Variants in IDUA observed in about 807,000 individuals in gnomAD.
IDUA encodes iduronidase alpha-L-.
A neutral mutation model predicts 68.9 loss-of-function variants in IDUA; 65 were observed. That is an observed-to-expected ratio of 0.94 (90% CI 0.77 to 1.16). The LOEUF (loss-of-function observed/expected upper bound fraction) is 1.16. IDUA is among the 50% of genes most tolerant of loss of function. The probability of loss-of-function intolerance (pLI) is 0.00; values close to 1 mark genes in which losing one functional copy is unlikely to be tolerated. For synonymous variants in IDUA, 529 were observed against 433.6 expected (o/e 1.22, Z -2.73); for missense variants, 1,046 against 938.0 (o/e 1.12, Z -1.50).
In IDUA at chr4:989,815, T is replaced by C. The variant is rs368265225; in HGVS notation, c.299+1866T>C. On this transcript the variant is annotated intron_variant, in intron 2 of 13. Coordinates refer to ENST00000514224, the MANE Select transcript of IDUA (RefSeq NM_000203.5). ...GCAGCAGCCCACAGCCAGCAGCTCC[T>C]GGTTGGCACGCACAGAGTAGCCGTG... 3 of 1,579,540 alleles carry C rather than the reference T, an allele frequency of 1.9e-6. No individual in the cohort carries two copies. In the African/African-American group the frequency reaches 4.0e-5, roughly 21 times the overall value.
In IDUA at chr4:1,004,215, G is replaced by A. The variant is rs575131651; in HGVS notation, c.1829-45G>A. The A allele has an allele frequency of 1.2e-6, 2 of 1,610,180 alleles. No individual in the cohort carries two copies. The highest frequency in any genetic ancestry group is 2.7e-5 in the African/African-American group (2 of 75,020). ...GAAGCCTGGGGTCAGGGGGCTTTCG[G>A]GTGGGGGCAGGTTCCGGTTGGCACA... On this transcript the variant is annotated intron_variant, in intron 13 of 13. Transcript: ENST00000514224. This position sits in a 1 kb window ranked among gnomAD's most constrained non-coding sequence, Gnocchi z 5.0.
At chr4:994,579 A>C (rs1714624209) in intron 2 of IDUA, among the ~76,000 whole-genome samples, 1 of 151,714 alleles carries the variant, frequency 6.6e-6, no homozygotes, top group Admixed American at 6.6e-5. Flanking sequence ...CTGGGACTAC[A>C]GGCACCCGCC....
At chr4:996,884 C>T (rs1292823081) in intron 2 of IDUA, among the ~76,000 whole-genome samples, 2 of 152,156 alleles carry the variant, frequency 1.3e-5, no homozygotes. Context: ...GCTGCCAACA[C>T]CTCCTTCCTT....
chr4:995,036 G>C (rs1211813420), intron 2 of IDUA, among the ~76,000 whole-genome samples: 8 of 151,392 alleles, frequency 5.3e-5, no homozygotes, highest in African/African-American at 1.7e-4. Context: ...CTTCACTCCA[G>C]CCTACAAGTC....
chr4:987,912 G>C lies in IDUA; in HGVS notation c.262G>C (p.Val88Leu). 2 of 1,604,354 alleles carry C rather than the reference G, an allele frequency of 1.2e-6. No individual in the cohort carries two copies. Among genetic ancestry groups the C allele is most frequent in the Non-Finnish European group, 1.7e-6 (2 of 1,176,114 alleles). ...CGTCCCTCACCGCGGCATCAAGCAG[G>C]TCCGGACCCACTGGCTGCTGGAGCT... ...GAVPHRGIKQ[V>L]RTHWLLELVT... The change falls in exon 2 of 14, where the codon GTC (valine) becomes CTC (leucine). Residue 88 changes from valine (V) to leucine (L), a missense_variant. By Grantham distance (32) the Val-to-Leu change is conservative. Coordinates refer to ENST00000514224, the MANE Select transcript of IDUA (RefSeq NM_000203.5).
intron 2 of IDUA, chr4:988,319 C>T: frequency 2.7e-6 from 3 of 1,102,448 alleles, no homozygotes; most frequent in Non-Finnish European, 2.2e-6. Flanking sequence ...GACGCTGGTG[C>T]AGGTGGCCAC....
chr4:1,001,707 G>T lies in IDUA; in HGVS notation c.618G>T (p.Ser206=), dbSNP rs377312287. The change falls in exon 6 of 14, where the codon TCG becomes TCT. Residue 206 remains serine (S), a synonymous_variant. Transcript: ENST00000514224. Reference sequence around the variant, plus strand: ...TCCTGAACTACTACGATGCCTGCTCGGAGGGTCTGCGCGCCGCCAGCCCCG... The same window carrying T: ...TCCTGAACTACTACGATGCCTGCTCTGAGGGTCTGCGCGCCGCCAGCCCCG... ...QGFLNYYDAC[S]EGLRAASPAL... is the part of the protein sequence containing the mutation. 3.8e-6 allele frequency: 6 copies of T among 1,599,794 alleles called. No individual in the cohort carries two copies. The highest frequency in any genetic ancestry group is 2.2e-5 in the South Asian group (2 of 90,820).
rs3822021 is a variant in IDUA, at chr4:992,068, A to G, written c.299+4119A>G. 568 of 540,968 alleles carry G rather than the reference A, an allele frequency of 1.0e-3. 11 individuals are homozygous for G. In the East Asian group the frequency reaches 0.023, roughly 22 times the overall value. 33.5% of individuals were successfully genotyped at this position (540,968 alleles called of 1,614,324 possible). ...TATTGGCTCTGCGGTTCCTGGCTGAAAACCACCCTGTAGCCTCCTGAAGCT... is the reference window on the plus strand; with the variant it reads ...TATTGGCTCTGCGGTTCCTGGCTGAGAACCACCCTGTAGCCTCCTGAAGCT... On this transcript the variant is annotated intron_variant, in intron 2 of 13. Transcript: ENST00000514224.
chr4:998,180 C>T (rs1714857437), intron 2 of IDUA, among the ~76,000 whole-genome samples: 1 of 152,196 alleles, frequency 6.6e-6, no homozygotes, highest in Non-Finnish European at 1.5e-5. Context: ...GCTGCTCCTG[C>T]TGGACACCCA....
chr4:997,834 T>TGC (rs1217472082), intron 2 of IDUA, among the ~76,000 whole-genome samples: 1 of 152,210 alleles, frequency 6.6e-6, no homozygotes, highest in East Asian at 1.9e-4. Context: ...CTCCCCTCGC[T>TGC]GCGAGGCTGG....
At chr4:991,105 TG>T in intron 2 of IDUA, 1 of 1,519,548 alleles carries the variant, frequency 6.6e-7, no homozygotes. Context: ...GGCCCCTCCC[TG>T]TGCCCAAGCA....
At chr4:1,001,053 CT>C in intron 4 of IDUA, 64 bp downstream of exon 4, 9 of 1,132,482 alleles carry the variant, frequency 7.9e-6, no homozygotes, top group Non-Finnish European at 1.2e-5. Context: ...GGTTGCACCC[CT>C]ATCACGCAGG....
chr4:999,098 A>T (rs189180247), intron 2 of IDUA, among the ~76,000 whole-genome samples: 8 of 151,822 alleles, frequency 5.3e-5, no homozygotes, highest in Non-Finnish European at 1.0e-4. Flanking sequence ...CCAGCTACTC[A>T]GGAGGCTGAG....
At position 1,002,365 on chromosome 4, in the gene IDUA, C is replaced by A; in HGVS notation, c.1069C>A (p.Pro357Thr). 4 of 1,612,792 alleles carry A rather than the reference C, an allele frequency of 2.5e-6. No homozygotes were observed. Among genetic ancestry groups the A allele is most frequent in the Non-Finnish European group, 3.4e-6 (4 of 1,179,608 alleles). The change falls in exon 8 of 14, where the codon CCG (proline) becomes ACG (threonine). Residue 357 changes from proline (P) to threonine (T), a missense_variant. Physicochemically the swap from Pro to Thr is conservative, Grantham distance 38. Transcript: ENST00000514224. ...CGACAATGCCTTCCTGAGCTACCAC[C>A]CGCACCCCTTCGCGCAGCGCACGCT... ...SNDNAFLSYHPHPFAQRTLTA... is the reference protein window; with the variant it reads ...SNDNAFLSYHTHPFAQRTLTA...
chr4:987,720 C>T (rs1713846632), intron 1 of IDUA, 89 bp from the exon 2 acceptor site: 2 of 1,583,428 alleles, frequency 1.3e-6, no homozygotes, highest in East Asian at 2.3e-5. Flanking sequence ...GATCCTGCGC[C>T]CGGGCAGTCC....
At chr4:997,297 C>T (rs913589494) in intron 2 of IDUA, among the ~76,000 whole-genome samples, 44 of 151,734 alleles carry the variant, frequency 2.9e-4, no homozygotes, top group Non-Finnish European at 4.0e-4. Flanking sequence ...CCGCCCCGCG[C>T]CCCCAGCCCA....
In IDUA at chr4:1,002,296, C is replaced by G; in HGVS notation, c.1000C>G (p.Leu334Val). 3 of 1,612,766 alleles carry G rather than the reference C, an allele frequency of 1.9e-6. No individual in the cohort carries two copies. Among genetic ancestry groups the G allele is most frequent in the Non-Finnish European group, 2.5e-6 (3 of 1,179,598 alleles). Residue 334 changes from leucine to valine, a missense_variant, in exon 8 of 14, where the codon CTG becomes GTG. Coordinates refer to ENST00000514224, the MANE Select transcript of IDUA (RefSeq NM_000203.5). ...KVIAQHQNLL[L>V]ANTTSAFPYA... ...CATCGCGCAGCATCAGAACCTGCTA[C>G]TGGCCAACACCACCTCCGCCTTCCC...
intron 1 of IDUA, 97 bp downstream of exon 1, chr4:987,339 C>T (rs924032841): frequency 1.7e-6 from 2 of 1,203,974 alleles, no homozygotes; most frequent in Admixed American, 4.6e-5. Flanking sequence ...ACCGGAGCTC[C>T]CTCCTCTGGG....
chr4:999,226 G>C (rs1460229901), intron 2 of IDUA, among the ~76,000 whole-genome samples: 2 of 150,894 alleles, frequency 1.3e-5, no homozygotes, highest in East Asian at 3.9e-4. Context: ...AAAGAAAAAA[G>C]AAAAATGCCC....
Sources: gnomAD v4.1 joint callset for allele counts (sites outside exome capture counted in the v4.1 genomes callset) on GRCh38, gnomAD v4.1.1 for gene constraint, Gnocchi (gnomAD v3.1) non-coding constraint, MANE v1.5 for transcripts, NCBI Gene and HGNC (gene_info 2026-07-23, HGNC 2026-07-21) for gene names.